Variants in CRISPLD1 observed in about 807,000 individuals in gnomAD.
The protein encoded by CRISPLD1 is cysteine rich secretory protein LCCL domain containing 1.
CRISPLD1 carries 60 observed loss-of-function variants against 77.5 expected under a neutral mutation model. That is an observed-to-expected ratio of 0.77 (90% confidence interval 0.63 to 0.96). The LOEUF (loss-of-function observed/expected upper bound fraction) is 0.96. CRISPLD1 is among the 40% of genes least tolerant of loss of function. The probability of loss-of-function intolerance (pLI) is 0.00; values close to 1 mark genes in which losing one functional copy is unlikely to be tolerated. For synonymous variants in CRISPLD1, 195 were observed against 200.1 expected, an observed-to-expected ratio of 0.97 and a Z score of 0.22; for missense variants, 623 against 615.8, an observed-to-expected ratio of 1.01 and a Z score of -0.12.
rs1486896496 is a variant in CRISPLD1 at position 75,016,697 on chromosome 8, A to T, written c.860A>T (p.Gln287Leu). The part of the protein sequence containing the change: ...DSSRNEVISA[Q>L]QMSQIVSCEV... Reference sequence around the variant, plus strand: ...AGCAGAAATGAAGTCATAAGCGCACAGCAAATGTGTAAGACCTCCATATTA... The same window carrying T: ...AGCAGAAATGAAGTCATAAGCGCACTGCAAATGTGTAAGACCTCCATATTA... The change falls in exon 7 of 15, where the codon CAG becomes CTG. Residue 287 changes from glutamine (Q) to leucine (L), a missense_variant. By Grantham distance (113) the Gln-to-Leu change is moderately radical. Coordinates refer to ENST00000262207, the MANE Select transcript of CRISPLD1 (RefSeq NM_031461.6). The T allele has an allele frequency of 6.2e-6, 10 of 1,612,118 alleles. No homozygotes were observed. Among genetic ancestry groups the T allele is most frequent in the Non-Finnish European group, 7.6e-6 (9 of 1,179,030 alleles).
chr8:75,014,013 C>A lies in CRISPLD1; in HGVS notation c.537C>A (p.Ile179=), dbSNP rs780671878. ...TCGTGTGGGCAACTAGTAACAGAAT[C>A]GGTTGTGCCATTAATTTGTGTCATA... The part of the protein sequence containing the change: ...TQVVWATSNR[I]GCAINLCHNM... The change falls in exon 5 of 15, where the codon ATC becomes ATA. Residue 179 remains isoleucine, a synonymous_variant. Transcript: ENST00000262207. The A allele has an allele frequency of 3.1e-6, 5 of 1,612,852 alleles. No individual in the cohort carries two copies. The highest frequency in any genetic ancestry group is 4.2e-6 in the Non-Finnish European group (5 of 1,179,206).
chr8:75,013,912 G>T, intron 4 of CRISPLD1, 75 bp from the exon 5 acceptor site: 1 of 912,690 alleles, frequency 1.1e-6, no homozygotes, highest in Non-Finnish European at 1.8e-6. Flanking sequence ...CAAATTTTAT[G>T]CATTTTTCTC....
At chr8:75,031,436 A>G (rs575253481) in intron 14 of CRISPLD1, among the ~76,000 whole-genome samples, 2 of 152,218 alleles carry the variant, frequency 1.3e-5, no homozygotes, top group Non-Finnish European at 2.9e-5. Flanking sequence ...TAACTTTTAG[A>G]CATTTAAACA....
chr8:74,987,602 G>A (rs1260362014), intron 2 of CRISPLD1, among the ~76,000 whole-genome samples: 1 of 152,074 alleles, frequency 6.6e-6, no homozygotes, highest in Non-Finnish European at 1.5e-5. Context: ...TCAAAATACT[G>A]TGCAGGATAT....
intron 2 of CRISPLD1, among the ~76,000 whole-genome samples, chr8:75,001,564 A>T (rs772374556): frequency 6.4e-4 from 97 of 152,370 alleles, no homozygotes; most frequent in Non-Finnish European, 3.8e-4. Flanking sequence ...GCTTCTTAAA[A>T]GAGGTATGTT....
rs572954114 is a variant in CRISPLD1, at chr8:75,032,505, A to C, written c.*263A>C. 3 of 294,404 alleles carry C rather than the reference A, an allele frequency of 1.0e-5. No individual in the cohort carries two copies. In the South Asian group the frequency reaches 3.0e-4, roughly 29 times the overall value. 18.2% of individuals were successfully genotyped at this position (294,404 alleles called of 1,614,324 possible). On this transcript the variant is annotated 3_prime_UTR_variant, in exon 15 of 15. Transcript: ENST00000262207. ...TTCTTAGCAGTTATTTCTACAGTTA[A>C]TTACATAGTCATGATTGTTCTACGT...
intron 12 of CRISPLD1, among the ~76,000 whole-genome samples, chr8:75,025,121 T>G (rs994493007): frequency 2.6e-4 from 39 of 152,180 alleles, no homozygotes; most frequent in African/African-American, 8.4e-4. Flanking sequence ...AGATGATAAT[T>G]AAAACTATGA....
intron 12 of CRISPLD1, among the ~76,000 whole-genome samples, chr8:75,023,403 G>GCATCTTTTAT (rs1813174361): frequency 6.6e-6 from 1 of 152,172 alleles, no homozygotes; most frequent in Non-Finnish European, 1.5e-5. Context: ...TCTTCCTGCA[G>GCATCTTTTAT]AAACCCCAAA....
rs1186019292 is a variant in CRISPLD1 at position 75,025,595 on chromosome 8, G to A, written c.1294G>A (p.Val432Ile). The change falls in exon 13 of 15, where the codon GTA (valine) becomes ATA (isoleucine). Residue 432 changes from valine (V) to isoleucine (I), a missense_variant. Val to Ile is a conservative substitution (Grantham distance 29, BLOSUM62 3). Transcript: ENST00000262207. ...GCAAGCAAATCCACATTATGCTCGT[G>A]TAATTGGAACTCGAGTTTATTCTGA... ...CMQANPHYAR[V>I]IGTRVYSDLS... The A allele has an allele frequency of 6.3e-7, 1 of 1,589,284 alleles. No individual in the cohort carries two copies. Among genetic ancestry groups the A allele is most frequent in the South Asian group, 1.1e-5 (1 of 89,726 alleles).
chr8:75,001,656 A>G (rs1474321722), intron 2 of CRISPLD1, among the ~76,000 whole-genome samples: 6 of 152,184 alleles, frequency 3.9e-5, no homozygotes, highest in Admixed American at 3.9e-4. Context: ...GATTGTTGTG[A>G]CAATATGTGT....
At position 74,998,685 on chromosome 8, in the gene CRISPLD1, C is replaced by CAAAAAAAAAAA. The variant is rs368258595; in HGVS notation, c.258+12453_258+12463dup. Among the ~76,000 whole-genome samples, 50 of 50,928 alleles carry CAAAAAAAAAAA rather than the reference C, an allele frequency of 9.8e-4. 1 individual carries two copies. The highest frequency in any genetic ancestry group is 1.7e-3 in the African/African-American group (24 of 13,796). 33.4% of individuals were successfully genotyped at this position (50,928 alleles called of 152,430 possible). The stretch of plus-strand genomic sequence containing the variant: ...CCTGGGCAACAGAGAGACTCCATCT[C>CAAAAAAAAAAA]AAAAAAAAAAAAAAAAAAAAAAAGT... On this transcript the variant is annotated intron_variant, in intron 2 of 14. Transcript: ENST00000262207.
intron 2 of CRISPLD1, among the ~76,000 whole-genome samples, chr8:74,999,403 A>G (rs1812700313): frequency 6.6e-6 from 1 of 152,198 alleles, no homozygotes; most frequent in Non-Finnish European, 1.5e-5. Flanking sequence ...TGTCATGGCA[A>G]AGCAAGTAGG....
intron 2 of CRISPLD1, among the ~76,000 whole-genome samples, chr8:74,998,960 A>G (rs1428557320): frequency 6.6e-6 from 1 of 152,064 alleles, no homozygotes; most frequent in Non-Finnish European, 1.5e-5. Context: ...CAGATGTTAG[A>G]TAATATGGAT....
intron 3 of CRISPLD1, 95 bp downstream of exon 3, chr8:75,012,646 C>T (rs1812952939): frequency 2.2e-6 from 2 of 922,098 alleles, no homozygotes; most frequent in Admixed American, 2.1e-5. Context: ...AGACTTGGTG[C>T]CTGAAAGAAA....
chr8:75,018,914 T>G (rs1265502607), intron 10 of CRISPLD1, among the ~76,000 whole-genome samples: 2 of 152,174 alleles, frequency 1.3e-5, no homozygotes, highest in Non-Finnish European at 2.9e-5. Context: ...GAAATATTCA[T>G]TAATTAACCT....
At chr8:74,990,904 C>T (rs570480684) in intron 2 of CRISPLD1, among the ~76,000 whole-genome samples, 5 of 151,948 alleles carry the variant, frequency 3.3e-5, no homozygotes, top group African/African-American at 1.2e-4. Context: ...AAATGTCTTT[C>T]GAATCCCTCT....
In CRISPLD1 at chr8:75,032,175, T is replaced by A. The variant is rs1587035897; in HGVS notation, c.1452-16T>A. ...ATGACATCAATATACTTTTCATATATTTTTTTTTTTTGCAGTTTACAGAAT... is the reference window on the plus strand; with the variant it reads ...ATGACATCAATATACTTTTCATATAATTTTTTTTTTTGCAGTTTACAGAAT... On this transcript the variant is annotated splice_polypyrimidine_tract_variant and intron_variant, in intron 14 of 14. Transcript: ENST00000262207. The A allele has an allele frequency of 6.2e-6, 2 of 320,582 alleles. No homozygotes were observed. Among genetic ancestry groups the A allele is most frequent in the Non-Finnish European group, 8.4e-6 (2 of 237,844 alleles). 19.9% of individuals were successfully genotyped at this position (320,582 alleles called of 1,614,324 possible).
Position 75,016,578 on chromosome 8 carries a change from G to C in CRISPLD1, c.741G>C (p.Arg247Ser). ...ENLCYKEGSD[R>S]YYPPREEETN... ...TTTCTCTAACAGAAGGGTCAGACAG[G>C]TATTATCCCCCTCGAGAAGAGGAAA... The change falls in exon 7 of 15, where the codon AGG becomes AGC. Residue 247 changes from arginine to serine, a missense_variant. Arg to Ser is a moderately radical substitution (Grantham distance 110, BLOSUM62 -1). Transcript: ENST00000262207. The C allele has an allele frequency of 6.2e-7, 1 of 1,612,150 alleles. No individual in the cohort carries two copies. The highest frequency in any genetic ancestry group is 8.5e-7 in the Non-Finnish European group (1 of 1,178,924).
chr8:75,014,889 G>T lies in CRISPLD1; in HGVS notation c.704G>T (p.Cys235Phe). ...SACPPSFGGG[C>F]RENLCYKEGS... The stretch of plus-strand genomic sequence containing the variant: ...TGCCCACCTAGTTTTGGAGGGGGCT[G>T]TAGAGAAAATCTGTGCTACAAAGGT... Residue 235 changes from cysteine (C) to phenylalanine (F), a missense_variant, in exon 6 of 15, where the codon TGT becomes TTT. By Grantham distance (205) the Cys-to-Phe change is radical. Coordinates refer to ENST00000262207, the MANE Select transcript of CRISPLD1 (RefSeq NM_031461.6). 1 of 1,572,930 alleles carries T rather than the reference G, an allele frequency of 6.4e-7. No homozygotes were observed.
Sources: allele counts gnomAD v4.1 joint callset (sites outside exome capture counted in the v4.1 genomes callset), GRCh38; gene constraint gnomAD v4.1.1; transcripts MANE v1.5; gene names NCBI Gene and HGNC (gene_info 2026-07-23, HGNC 2026-07-21).